Variants in U2SURP observed in about 807,000 individuals in gnomAD.
U2SURP encodes the protein U2 snRNP-associated SURP motif-containing protein.
A neutral mutation model predicts 144.9 loss-of-function variants in U2SURP; 9 were observed. The observed-to-expected ratio is 0.06, with a 90% confidence interval of 0.04 to 0.11. The LOEUF is 0.11. Among genes scored for constraint, U2SURP ranks in the 10% least tolerant of loss-of-function variants. U2SURP has a pLI of 1.00. For synonymous variants in U2SURP, 408 were observed against 396.8 expected, an observed-to-expected ratio of 1.03 and a Z score of -0.33; for missense variants, 724 against 1,226.7, an observed-to-expected ratio of 0.59 and a Z score of 6.12.
At chr3:143,052,418 A>G (rs552586702) in intron 25 of U2SURP, among the ~76,000 whole-genome samples, 17 of 149,186 alleles carry the variant, frequency 1.1e-4, no homozygotes, top group South Asian at 1.1e-3. Context: ...ATAAGATGCT[A>G]CTTACCTATA....
At chr3:143,013,642 A>G (rs1032618140) in intron 3 of U2SURP, among the ~76,000 whole-genome samples, 21 of 152,236 alleles carry the variant, frequency 1.4e-4, no homozygotes, top group African/African-American at 3.1e-4. Flanking sequence ...CAGACAATGT[A>G]TTCAGGCTAT....
At position 143,055,026 on chromosome 3, in the gene U2SURP, G is replaced by A. The variant is rs779031489; in HGVS notation, c.2858G>A (p.Arg953Gln). 6.2e-7 allele frequency: 1 copy of A among 1,608,202 alleles called. No individual in the cohort carries two copies. Among genetic ancestry groups the A allele is most frequent in the Middle Eastern group, 1.7e-4 (1 of 6,060 alleles). Residue 953 changes from arginine (R) to glutamine (Q), a missense_variant, in exon 27 of 28, where the codon CGA (arginine) becomes CAA (glutamine). Physicochemically the swap from Arg to Gln is conservative, Grantham distance 43. Coordinates refer to ENST00000473835, the MANE Select transcript of U2SURP (RefSeq NM_001080415.2). ...RVKSPSPKSE[R>Q]SERSERSHKE... is the part of the protein sequence containing the mutation. ...AAATCCCCATCACCAAAATCGGAGC[G>A]ATCAGAGCGTTCAGAAAGATCTCAT...
intron 21 of U2SURP, 32 bp from the exon 22 acceptor site, chr3:143,038,076 G>C (rs879596408): frequency 5.9e-6 from 9 of 1,524,552 alleles, no homozygotes; most frequent in Admixed American, 2.0e-5. Context: ...TCCACTAGTA[G>C]TCAGGGTTAA....
chr3:143,036,342 T>C (rs1047280049), intron 20 of U2SURP, among the ~76,000 whole-genome samples: 1 of 150,944 alleles, frequency 6.6e-6, no homozygotes, highest in African/African-American at 2.4e-5. Context: ...TTTAATGATA[T>C]AAGAGTTATG....
intron 1 of U2SURP, among the ~76,000 whole-genome samples, chr3:143,007,444 A>AT (rs397877854): frequency 0.52 from 61,191 of 118,164 alleles, 16,338 homozygotes; most frequent in Admixed American, 0.54. Context: ...CTTTCAAGAG[A>AT]TTTTTTTTTT....
At chr3:143,038,235 T>C in intron 22 of U2SURP, 32 bp downstream of exon 22, 1 of 1,481,108 alleles carries the variant, frequency 6.8e-7, no homozygotes, top group Non-Finnish European at 9.1e-7. Context: ...ATTTTTTAAA[T>C]TAAGTACTTG....
At chr3:143,024,514 G>A in intron 13 of U2SURP, 1 of 438,624 alleles carries the variant, frequency 2.3e-6, no homozygotes, top group South Asian at 1.7e-5. Context: ...ATGAACACTG[G>A]ACATACTAGA....
chr3:143,037,302 A>G lies in U2SURP; in HGVS notation c.2188A>G (p.Lys730Glu). ...CGATGATCTTGATGGAGTCCCTATA[A>G]AAAGTCTTGATGATGATCTTGATGG... The part of the protein sequence containing the change: ...PIDDLDGVPI[K>E]SLDDDLDGVP... The change falls in exon 21 of 28, where the codon AAA (lysine) becomes GAA (glutamate). Residue 730 changes from lysine to glutamate, a missense_variant. Lys to Glu is a moderately conservative substitution (Grantham distance 56, BLOSUM62 1). This residue lies in a region of U2SURP where 116 missense variants were observed against 167.9 expected (regional missense o/e 0.69). Coordinates refer to ENST00000473835, the MANE Select transcript of U2SURP (RefSeq NM_001080415.2). 6.2e-7 allele frequency: 1 copy of G among 1,612,512 alleles called. No homozygotes were observed. The highest frequency in any genetic ancestry group is 8.5e-7 in the Non-Finnish European group (1 of 1,179,180).
rs1187709217 is a variant in U2SURP at position 143,027,269 on chromosome 3, A to G, written c.1379+16A>G. On this transcript the variant is annotated intron_variant, in intron 14 of 27. Coordinates refer to ENST00000473835, the MANE Select transcript of U2SURP (RefSeq NM_001080415.2). The stretch of plus-strand genomic sequence containing the variant: ...CTATGTTCAGGTGTGCATTTTTTAA[A>G]AATTGTGAAATATATGTAACATAAA... 1.3e-6 allele frequency: 2 copies of G among 1,589,644 alleles called. No individual in the cohort carries two copies. The highest frequency in any genetic ancestry group is 2.2e-5 in the South Asian group (2 of 90,168).
chr3:143,014,282 T>C lies in U2SURP; in HGVS notation c.223-29T>C, dbSNP rs370304119. On this transcript the variant is annotated intron_variant, in intron 3 of 27. Coordinates refer to ENST00000473835, the MANE Select transcript of U2SURP (RefSeq NM_001080415.2). ...AGTTTTAGATAGCATTAAGAATCTA[T>C]ATGTAAAAGTATGCTTTTTATTTCT... 2.6e-5 allele frequency: 37 copies of C among 1,445,480 alleles called. No homozygotes were observed. The African/African-American group carries it at 4.4e-4, about 17-fold the overall frequency. The allele number at this position is 1,445,480 out of a possible 1,614,324, so 89.5% of individuals were successfully genotyped here.
chr3:143,039,728 C>T (rs1265526058), intron 23 of U2SURP, among the ~76,000 whole-genome samples: 1 of 151,428 alleles, frequency 6.6e-6, no homozygotes, highest in Admixed American at 6.6e-5. Context: ...GAGAAAACCC[C>T]TGTGTGTCCT....
intron 5 of U2SURP, 83 bp downstream of exon 5, chr3:143,016,454 A>G (rs1247718532): frequency 1.2e-5 from 14 of 1,188,154 alleles, no homozygotes; most frequent in Non-Finnish European, 1.7e-5. Flanking sequence ...GAATGACTGC[A>G]GGTAGATAAT....
At chr3:143,050,914 A>C (rs1408785281) in intron 24 of U2SURP, 25 bp from the exon 25 acceptor site, 42 of 1,487,466 alleles carry the variant, frequency 2.8e-5, no homozygotes, top group Non-Finnish European at 3.9e-5. Flanking sequence ...GAAAATGCTT[A>C]TTTTTAAAAT....
intron 10 of U2SURP, among the ~76,000 whole-genome samples, chr3:143,021,864 T>C (rs1936651903): frequency 6.6e-6 from 1 of 152,236 alleles, no homozygotes; most frequent in Non-Finnish European, 1.5e-5. Context: ...TGTTTCCTTG[T>C]GGAGTCCCTT....
At chr3:143,003,841 G>A (rs1407579780) in intron 1 of U2SURP, among the ~76,000 whole-genome samples, 1 of 151,752 alleles carries the variant, frequency 6.6e-6, no homozygotes, top group Non-Finnish European at 1.5e-5. Flanking sequence ...ACAGGCGCCC[G>A]CCAGTACGCC....
Position 143,056,527 on chromosome 3 carries a change from C to CA in U2SURP, c.*83dup, listed in dbSNP as rs1489046648. 1.3e-6 allele frequency: 2 copies of CA among 1,530,560 alleles called. No homozygotes were observed. Among genetic ancestry groups the CA allele is most frequent in the African/African-American group, 2.8e-5 (2 of 71,736 alleles). The allele number at this position is 1,530,560 out of a possible 1,614,324, so 94.8% of individuals were successfully genotyped here. A position where few individuals can be genotyped will look rare whatever the true frequency, so the allele number is the denominator to read the frequency against. ...CTGAACGGTCTGTTTTTTAAAAAAA[C>CA]AAAAAATCAAATGAAAGAGCATTCC... On this transcript the variant is annotated 3_prime_UTR_variant, in exon 28 of 28. Transcript: ENST00000473835.
chr3:143,026,480 A>G (rs1026611178), intron 13 of U2SURP: 1 of 152,112 alleles, frequency 6.6e-6, no homozygotes, highest in Non-Finnish European at 1.5e-5. Flanking sequence ...AAAAAGATAT[A>G]TAAAGGCAGA....
intron 24 of U2SURP, among the ~76,000 whole-genome samples, chr3:143,046,847 CGG>C (rs2108310946): frequency 7.8e-6 from 1 of 128,230 alleles, no homozygotes; most frequent in African/African-American, 3.3e-5. Flanking sequence ...ACCTCCCAGA[CGG>C]GGTGGTGGCC....
Position 143,023,565 on chromosome 3 carries a change from G to GA in U2SURP, c.1231-408dup, listed in dbSNP as rs573318621. The stretch of plus-strand genomic sequence containing the variant: ...AAACCAACTTAATTTCAAGTTATAA[G>GA]AATTCGTTGGTTCTATTATGAATTA... On this transcript the variant is annotated intron_variant, in intron 12 of 27. Transcript: ENST00000473835. Among the ~76,000 whole-genome samples the GA allele has an allele frequency of 1.1e-4, 16 of 152,282 alleles. No homozygotes were observed. In the East Asian group the frequency reaches 3.1e-3, roughly 29 times the overall value.
Sources: gnomAD v4.1 joint callset for allele counts (sites outside exome capture counted in the v4.1 genomes callset) on GRCh38, gnomAD v4.1.1 for gene constraint, gnomAD v4.1.1 regional missense constraint, MANE v1.5 for transcripts, NCBI Gene and HGNC (gene_info 2026-07-23, HGNC 2026-07-21) for gene names.